The following ZNF229 variants were observed in gnomAD, a reference collection of about 807,000 sequenced individuals.
ZNF229 encodes zinc finger protein 229.
ZNF229 carries 10 observed loss-of-function variants against 11.8 expected under a neutral mutation model. The observed-to-expected ratio is 0.85, with a 90% CI of 0.52 to 1.44. The LOEUF (loss-of-function observed/expected upper bound fraction) is 1.44. Among genes scored for constraint, ZNF229 ranks in the 40% most tolerant of loss-of-function variants. The probability of loss-of-function intolerance (pLI) is 0.00; values close to 1 mark genes in which losing one functional copy is unlikely to be tolerated. For missense variants in ZNF229, 1,045 were observed against 1,015.1 expected (o/e 1.03, Z -0.40); for synonymous variants, 368 against 374.8 (o/e 0.98, Z 0.21).
intron 3 of ZNF229, 41 bp downstream of exon 3, chr19:44,442,773 T>C: frequency 6.2e-7 from 1 of 1,607,660 alleles, no homozygotes; most frequent in Non-Finnish European, 8.5e-7. Flanking sequence ...CCACACTCAG[T>C]TTGGATTCTC....
intron 4 of ZNF229, among the ~76,000 whole-genome samples, chr19:44,433,540 T>C (rs8110499): frequency 0.71 from 106,954 of 151,540 alleles, 38,337 homozygotes; most frequent in East Asian, 0.99. Context: ...AATTGTATGG[T>C]ACCTCTACCC....
At chr19:44,443,459 C>CT (rs987225451) in intron 2 of ZNF229, among the ~76,000 whole-genome samples, 2 of 152,124 alleles carry the variant, frequency 1.3e-5, no homozygotes, top group Non-Finnish European at 2.9e-5. Context: ...GCGTTTTTAA[C>CT]TTTTTTTGTG....
chr19:44,426,938 G>T lies in ZNF229; in HGVS notation c.*1365C>A, dbSNP rs1295026020. 1 of 152,122 alleles carries T rather than the reference G, an allele frequency of 6.6e-6. No individual in the cohort carries two copies. The highest frequency in any genetic ancestry group is 2.4e-5 in the African/African-American group (1 of 41,400). The allele number at this position is 152,122 out of a possible 1,614,324, so 9.4% of individuals were successfully genotyped here. A position where few individuals can be genotyped will look rare whatever the true frequency, so the allele number is the denominator to read the frequency against. ...ACTAGGTAATTTGCAAAGGAAAGAG[G>T]TTTAACTCACACACAGTTCCACATG... On this transcript the variant is annotated 3_prime_UTR_variant, in exon 6 of 6. Transcript: ENST00000614049.
chr19:44,447,295 C>T (rs1972019006), intron 2 of ZNF229, among the ~76,000 whole-genome samples: 1 of 152,138 alleles, frequency 6.6e-6, no homozygotes, highest in South Asian at 2.1e-4. Flanking sequence ...GGCGCTGAAA[C>T]AGTGTAAGCC....
At chr19:44,444,483 G>A (rs1971971838) in intron 2 of ZNF229, among the ~76,000 whole-genome samples, 1 of 152,130 alleles carries the variant, frequency 6.6e-6, no homozygotes, top group Non-Finnish European at 1.5e-5. Flanking sequence ...GGACAACCAG[G>A]CAACACGCTA....
Position 44,428,758 on chromosome 19 carries a change from G to C in ZNF229, c.2023C>G (p.Gln675Glu), listed in dbSNP as rs1302243004. 1.2e-6 allele frequency: 2 copies of C among 1,614,018 alleles called. No homozygotes were observed. The highest frequency in any genetic ancestry group is 2.2e-5 in the South Asian group (2 of 91,068). The part of the protein sequence containing the change: ...FRCTSSLHKH[Q>E]RVHTGKKPYT... Reference sequence around the variant, plus strand: ...GGCTTTTTTCCCGTGTGGACTCGCTGATGTTTGTGAAGGCTTGATGTGCAC... The same window carrying C: ...GGCTTTTTTCCCGTGTGGACTCGCTCATGTTTGTGAAGGCTTGATGTGCAC... Residue 675 changes from glutamine (Q) to glutamate (E), a missense_variant, in exon 6 of 6, where the codon CAG (glutamine) becomes GAG (glutamate). Transcript: ENST00000614049.
intron 2 of ZNF229, among the ~76,000 whole-genome samples, chr19:44,445,441 C>T (rs182139042): frequency 6.6e-6 from 1 of 152,142 alleles, no homozygotes; most frequent in Non-Finnish European, 1.5e-5. Flanking sequence ...ATTCAGTTTC[C>T]CACTTATCCT....
At chr19:44,446,736 G>A (rs2571163) in intron 2 of ZNF229, among the ~76,000 whole-genome samples, 7,705 of 152,304 alleles carry the variant, frequency 0.051, 435 homozygotes, top group East Asian at 0.28. Flanking sequence ...TTGTTCTCAT[G>A]GTGCTTACTT....
At chr19:44,435,742 C>G (rs1404307089) in intron 4 of ZNF229, among the ~76,000 whole-genome samples, 1 of 152,142 alleles carries the variant, frequency 6.6e-6, no homozygotes, top group African/African-American at 2.4e-5. Context: ...GAAAGTAAAA[C>G]TGGATCTAAA....
At chr19:44,434,724 G>A (rs1305262240) in intron 4 of ZNF229, among the ~76,000 whole-genome samples, 1 of 152,210 alleles carries the variant, frequency 6.6e-6, no homozygotes, top group Non-Finnish European at 1.5e-5. Context: ...AGAATGAGAT[G>A]AATGCTTTCA....
At chr19:44,434,299 G>C (rs1056913986) in intron 4 of ZNF229, among the ~76,000 whole-genome samples, 2 of 152,074 alleles carry the variant, frequency 1.3e-5, no homozygotes, top group Non-Finnish European at 2.9e-5. Flanking sequence ...CCATCACCAG[G>C]TAGGCAAATC....
chr19:44,435,605 C>T (rs1299319546), intron 4 of ZNF229, among the ~76,000 whole-genome samples: 1 of 99,330 alleles, frequency 1.0e-5, no homozygotes, highest in African/African-American at 4.2e-5. Flanking sequence ...CTGACTAGCA[C>T]ATACCAAAGT....
chr19:44,429,976 C>G lies in ZNF229; in HGVS notation c.805G>C (p.Glu269Gln). ...NPGENGLKSN[E>Q]YRNGFRDDAD... ...TCGTCCCTGAAGCCATTTCTGTATT[C>G]GTTACTTTTCAAGCCATTCTCTCCA... Residue 269 changes from glutamate (E) to glutamine (Q), a missense_variant, in exon 6 of 6, where the codon GAA (glutamate) becomes CAA (glutamine). Glu to Gln is a conservative substitution (Grantham distance 29). Transcript: ENST00000614049. The G allele has an allele frequency of 6.2e-7, 1 of 1,613,796 alleles. No individual in the cohort carries two copies. The highest frequency in any genetic ancestry group is 1.1e-5 in the South Asian group (1 of 91,078).
rs204546 is a variant in ZNF229 at position 44,443,013 on chromosome 19, T to C, written c.-166A>G. 11,187 of 746,990 alleles carry C rather than the reference T, an allele frequency of 0.015. 146 individuals carry two copies. The highest frequency in any genetic ancestry group is 0.047 in the African/African-American group (2,666 of 57,206). 46.3% of individuals were successfully genotyped at this position (746,990 alleles called of 1,614,324 possible). ...CTGTCCAGAGCGCGACTGCTTCCCA[T>C]GGTCAGGGGACCTGTAGGTTCGGGA... On this transcript the variant is annotated 5_prime_UTR_variant, in exon 3 of 6. An upstream start codon of the reference 5' UTR is lost. Coordinates refer to ENST00000614049, the MANE Select transcript of ZNF229 (RefSeq NM_014518.4).
chr19:44,429,568 A>G lies in ZNF229; in HGVS notation c.1213T>C (p.Tyr405His), dbSNP rs2123336980. 1 of 1,613,712 alleles carries G rather than the reference A, an allele frequency of 6.2e-7. No homozygotes were observed. Among genetic ancestry groups the G allele is most frequent in the Non-Finnish European group, 8.5e-7 (1 of 1,179,836 alleles). Residue 405 changes from tyrosine (Y) to histidine (H), a missense_variant, in exon 6 of 6, where the codon TAT becomes CAT. Transcript: ENST00000614049. Reference sequence around the variant, plus strand: ...CCCTTCCCACACTCGCTGCATTTATATGGTTTCTCTCCAGTGTGGACCCTC... The same window carrying G: ...CCCTTCCCACACTCGCTGCATTTATGTGGTTTCTCTCCAGTGTGGACCCTC... ...HQRVHTGEKP[Y>H]KCSECGKGFS...
chr19:44,440,470 G>C (rs538572125), intron 4 of ZNF229, among the ~76,000 whole-genome samples: 1 of 152,014 alleles, frequency 6.6e-6, no homozygotes, highest in South Asian at 2.1e-4. Context: ...ATTAATGCCC[G>C]AGAGAACAGA....
intron 4 of ZNF229, among the ~76,000 whole-genome samples, chr19:44,434,774 C>T (rs114989587): frequency 0.011 from 1,625 of 152,168 alleles, 32 homozygotes; most frequent in African/African-American, 0.036. Flanking sequence ...ATTTTTGATA[C>T]GAAGGAATGG....
In ZNF229 at chr19:44,429,393, C is replaced by T. The variant is rs1454225778; in HGVS notation, c.1388G>A (p.Cys463Tyr). 1 of 1,614,094 alleles carries T rather than the reference C, an allele frequency of 6.2e-7. No homozygotes were observed. The highest frequency in any genetic ancestry group is 2.2e-5 in the East Asian group (1 of 44,866). The part of the protein sequence containing the change: ...HIHPGEKPYS[C>Y]GECGKGFSCS... ...GCTGAATCCCTTTCCACACTCGCCA[C>T]AGCTGTAGGGCTTTTCTCCAGGGTG... The change falls in exon 6 of 6, where the codon TGT becomes TAT. Residue 463 changes from cysteine (C) to tyrosine (Y), a missense_variant. Coordinates refer to ENST00000614049, the MANE Select transcript of ZNF229 (RefSeq NM_014518.4).
intron 2 of ZNF229, among the ~76,000 whole-genome samples, chr19:44,443,354 G>A (rs1013650306): frequency 1.3e-5 from 2 of 152,132 alleles, no homozygotes; most frequent in Admixed American, 6.5e-5. Flanking sequence ...CTTTATTAAC[G>A]CAATACTGTT....
Sources: allele counts gnomAD v4.1 joint callset (sites outside exome capture counted in the v4.1 genomes callset), GRCh38; gene constraint gnomAD v4.1.1; transcripts MANE v1.5; gene names NCBI Gene and HGNC (gene_info 2026-07-23, HGNC 2026-07-21).